The following ISCU variants were observed in gnomAD, a reference collection of about 807,000 sequenced individuals.
ISCU encodes iron-sulfur cluster assembly enzyme ISCU.
ISCU carries 13 observed loss-of-function variants against 18.4 expected under a neutral mutation model. The ratio of observed to expected loss-of-function variants is 0.71; its 90% CI spans 0.46 to 1.12. ISCU has a LOEUF of 1.12. Among genes scored for constraint, ISCU ranks in the 50% most tolerant of loss-of-function variants. The pLI is 0.00. For synonymous variants in ISCU, 104 were observed against 87.5 expected (o/e 1.19, Z -1.06); for missense variants, 229 against 208.7 (o/e 1.10, Z -0.60).
chr12:108,562,756 G>T lies in ISCU; in HGVS notation c.114+20G>T. 7.6e-7 allele frequency: 1 copy of T among 1,313,052 alleles called. No individual in the cohort carries two copies. 81.3% of individuals were successfully genotyped at this position (1,313,052 alleles called of 1,614,324 possible). On this transcript the variant is annotated intron_variant, in intron 1 of 4. Transcript: ENST00000311893. ...AAGAAGGTAGGGACAAAAGAGGGAC[G>T]CGCGGAATGCCGACTCAGCGGAGGC... is the stretch of plus-strand genomic sequence containing the variant.
At chr12:108,562,543 G>A (rs897418908), upstream of ISCU, 2 of 772,496 alleles carry the variant, frequency 2.6e-6, no homozygotes, top group Non-Finnish European at 1.8e-6. Context: ...AGAGAGGCGC[G>A]CTCCCAGCTC....
rs267607190 is a variant in ISCU, at chr12:108,564,313, G to A, written c.149G>A (p.Gly50Glu). The change falls in exon 2 of 5, where the codon GGG (glycine) becomes GAG (glutamate). Residue 50 changes from glycine (G) to glutamate (E), a missense_variant. By Grantham distance (98) the Gly-to-Glu change is moderately conservative. Coordinates refer to ENST00000311893, the MANE Select transcript of ISCU (RefSeq NM_213595.4). ...VDHYENPRNV[G>E]SLDKTSKNVG... is the part of the protein sequence containing the mutation. Reference sequence around the variant, plus strand: ...CATTATGAAAATCCTAGAAACGTGGGGTCCCTTGACAAGACATCTAAAAAT... The same window carrying A: ...CATTATGAAAATCCTAGAAACGTGGAGTCCCTTGACAAGACATCTAAAAAT... The A allele has an allele frequency of 4.3e-6, 7 of 1,614,088 alleles. No homozygotes were observed. Among genetic ancestry groups the A allele is most frequent in the Non-Finnish European group, 4.2e-6 (5 of 1,179,968 alleles).
chr12:108,565,570 AC>A lies in ISCU; in HGVS notation c.339+140del. Reference sequence around the variant, plus strand: ...CAAATTGGGAATTATGGATCATTCTACTAGGTGTTGTTTGGGTTTTTTTCTT... The same window carrying A: ...CAAATTGGGAATTATGGATCATTCTATAGGTGTTGTTTGGGTTTTTTTCTT... On this transcript the variant is annotated intron_variant, in intron 3 of 4. Transcript: ENST00000311893. 4.4e-6 allele frequency: 3 copies of A among 674,694 alleles called. 1 individual carries two copies. The South Asian group carries it at 5.2e-5, about 12-fold the overall frequency. The allele number at this position is 674,694 out of a possible 1,614,324, so 41.8% of individuals were successfully genotyped here. A position where few individuals can be genotyped will look rare whatever the true frequency, so the allele number is the denominator to read the frequency against.
intron 3 of ISCU, among the ~76,000 whole-genome samples, chr12:108,566,318 G>C (rs1255590714): frequency 6.6e-6 from 1 of 152,248 alleles, no homozygotes; most frequent in Non-Finnish European, 1.5e-5. Flanking sequence ...TGATTTGTCA[G>C]GAACTGTCCT....
intron 1 of ISCU, chr12:108,563,820 A>G: frequency 2.0e-6 from 1 of 512,652 alleles, no homozygotes; most frequent in East Asian, 3.6e-5. Flanking sequence ...TACACATTCC[A>G]TAGCATTGTT....
chr12:108,562,323 G>A (rs1801596155), upstream of ISCU, among the ~76,000 whole-genome samples: 1 of 151,228 alleles, frequency 6.6e-6, no homozygotes, highest in African/African-American at 2.4e-5. Flanking sequence ...TCCCGCAGCG[G>A]GATTTGTGAA....
Position 108,562,676 on chromosome 12 carries a change from G to A in ISCU, c.54G>A (p.Leu18=). Reference sequence around the variant, plus strand: ...GGCGGGCGGCATCGGCTCTGCTGCTGCGGAGCCCCCGCCTGCCCGCCCGGG... The same window carrying A: ...GGCGGGCGGCATCGGCTCTGCTGCTACGGAGCCCCCGCCTGCCCGCCCGGG... ...RLRRAASALL[L]RSPRLPAREL... Residue 18 remains leucine (L), a synonymous_variant, in exon 1 of 5, where the codon CTG becomes CTA. Coordinates refer to ENST00000311893, the MANE Select transcript of ISCU (RefSeq NM_213595.4). 4.8e-6 allele frequency: 7 copies of A among 1,455,062 alleles called. No individual in the cohort carries two copies. Among genetic ancestry groups the A allele is most frequent in the Non-Finnish European group, 6.3e-6 (7 of 1,111,630 alleles). 90.1% of individuals were successfully genotyped at this position (1,455,062 alleles called of 1,614,324 possible).
At chr12:108,567,321 A>C (rs763057360) in intron 4 of ISCU, 53 bp downstream of exon 4, 6 of 1,453,786 alleles carry the variant, frequency 4.1e-6, no homozygotes, top group East Asian at 4.5e-5. Flanking sequence ...AGTAATTTCA[A>C]CTTGGTTTGC....
chr12:108,565,149 C>T (rs1340619117), intron 2 of ISCU, 172 bp from the exon 3 acceptor site: 2 of 623,566 alleles, frequency 3.2e-6, no homozygotes, highest in Non-Finnish European at 5.8e-6. Flanking sequence ...CCCTGCATTT[C>T]ACTTTTCATC....
chr12:108,563,006 C>G (rs2030691506), intron 1 of ISCU: 1 of 303,430 alleles, frequency 3.3e-6, no homozygotes, highest in Non-Finnish European at 6.0e-6. Context: ...GAGGCAGGGT[C>G]CTGTTGGGAC....
At position 108,562,754 on chromosome 12, in the gene ISCU, A is replaced by G. The variant is rs1592787930; in HGVS notation, c.114+18A>G. On this transcript the variant is annotated intron_variant, in intron 1 of 4. Coordinates refer to ENST00000311893, the MANE Select transcript of ISCU (RefSeq NM_213595.4). ...ACAAGAAGGTAGGGACAAAAGAGGGACGCGCGGAATGCCGACTCAGCGGAG... is the reference window on the plus strand; with the variant it reads ...ACAAGAAGGTAGGGACAAAAGAGGGGCGCGCGGAATGCCGACTCAGCGGAG... 1 of 1,287,978 alleles carries G rather than the reference A, an allele frequency of 7.8e-7. No homozygotes were observed. The highest frequency in any genetic ancestry group is 1.0e-6 in the Non-Finnish European group (1 of 994,002). The allele number at this position is 1,287,978 out of a possible 1,614,324, so 79.8% of individuals were successfully genotyped here. A position where few individuals can be genotyped will look rare whatever the true frequency, so the allele number is the denominator to read the frequency against.
chr12:108,569,042 T>A lies in ISCU; in HGVS notation c.*126T>A. 1 of 786,856 alleles carries A rather than the reference T, an allele frequency of 1.3e-6. No individual in the cohort carries two copies. The highest frequency in any genetic ancestry group is 2.2e-6 in the Non-Finnish European group (1 of 462,668). The allele number at this position is 786,856 out of a possible 1,614,324, so 48.7% of individuals were successfully genotyped here. A position where few individuals can be genotyped will look rare whatever the true frequency, so the allele number is the denominator to read the frequency against. Reference sequence around the variant, plus strand: ...GCTATGAGATACGCACAATACTTGCTGTTCACGTTATGACTCTCATGCAAG... The same window carrying A: ...GCTATGAGATACGCACAATACTTGCAGTTCACGTTATGACTCTCATGCAAG... On this transcript the variant is annotated 3_prime_UTR_variant, in exon 5 of 5. Transcript: ENST00000311893.
At chr12:108,562,569 A>T (rs2030631273), upstream of ISCU, 4 of 1,064,278 alleles carry the variant, frequency 3.8e-6, no homozygotes, top group Non-Finnish European at 5.0e-6. Flanking sequence ...CGACTCGCAG[A>T]CGCGCCCCGC....
At chr12:108,562,218 C>T (rs1490091563), upstream of ISCU, among the ~76,000 whole-genome samples, 4 of 152,214 alleles carry the variant, frequency 2.6e-5, no homozygotes, top group African/African-American at 7.2e-5. Flanking sequence ...TCCTTAGCGA[C>T]CTTGGACGGA....
intron 3 of ISCU, among the ~76,000 whole-genome samples, chr12:108,566,824 G>A (rs953773684): frequency 6.6e-6 from 1 of 152,162 alleles, no homozygotes; most frequent in Non-Finnish European, 1.5e-5. Context: ...TGAGGACATC[G>A]GAGAAGCTGA....
In ISCU at chr12:108,564,880, C is replaced by T. The variant is rs2030815991; in HGVS notation, c.229-441C>T. The T allele has an allele frequency of 1.5e-5, 4 of 265,158 alleles. No individual in the cohort carries two copies. The South Asian group carries it at 1.8e-4, about 12-fold the overall frequency. 16.4% of individuals were successfully genotyped at this position (265,158 alleles called of 1,614,324 possible). On this transcript the variant is annotated intron_variant, in intron 2 of 4. Transcript: ENST00000311893. The stretch of plus-strand genomic sequence containing the variant: ...GGCAGCTTGCCAGAGGTCTTCATAC[C>T]TATCTTGGAATACAGAAACAAAACA...
Position 108,565,295 on chromosome 12 carries a change from C to A in ISCU, c.229-26C>A, listed in dbSNP as rs374923712. On this transcript the variant is annotated intron_variant, in intron 2 of 4. Coordinates refer to ENST00000311893, the MANE Select transcript of ISCU (RefSeq NM_213595.4). ...TTCCAGAGGGTGGTCCCAGGACTCA[C>A]CACTTAACTCTTGTCTCTTTTCTAG... is the stretch of plus-strand genomic sequence containing the variant. 39 of 1,567,590 alleles carry A rather than the reference C, an allele frequency of 2.5e-5. No individual in the cohort carries two copies. In the African/African-American group the frequency reaches 4.7e-4, roughly 19 times the overall value.
intron 1 of ISCU, 43 bp downstream of exon 1, chr12:108,562,779 G>A: frequency 8.1e-7 from 1 of 1,229,828 alleles, no homozygotes; most frequent in South Asian, 1.9e-5. Flanking sequence ...ACTCAGCGGA[G>A]GCCTGGGCTG....
At chr12:108,566,546 C>G (rs2030906614) in intron 3 of ISCU, among the ~76,000 whole-genome samples, 1 of 152,226 alleles carries the variant, frequency 6.6e-6, no homozygotes, top group Non-Finnish European at 1.5e-5. Context: ...GTTGGGAAAT[C>G]TGGTTTTCTG....
Sources: gnomAD v4.1 joint callset for allele counts (sites outside exome capture counted in the v4.1 genomes callset) on GRCh38, gnomAD v4.1.1 for gene constraint, MANE v1.5 for transcripts, NCBI Gene and HGNC (gene_info 2026-07-23, HGNC 2026-07-21) for gene names.